Variants in TOX3 observed in about 807,000 individuals in gnomAD.
TOX3 encodes TOX high mobility group box family member 3, also known as CAG trinucleotide repeat-containing gene F9 protein.
Under a neutral mutation model 64.3 loss-of-function variants are expected in TOX3, and 22 were observed. That is an observed-to-expected ratio of 0.34 (90% CI 0.24 to 0.49). The LOEUF is 0.49. Ranked by LOEUF, TOX3 falls within the 20% of genes least tolerant of loss-of-function variation. The pLI is 0.99. For synonymous variants in TOX3, 291 were observed against 273.6 expected (o/e 1.06, Z -0.63); for missense variants, 661 against 714.4 (o/e 0.93, Z 0.85).
intron 1 of TOX3, chr16:52,519,273 C>T: frequency 2.2e-6 from 2 of 922,284 alleles, no homozygotes; most frequent in Non-Finnish European, 1.6e-6. Flanking sequence ...CCTCATTATT[C>T]CCAACCACTT....
intron 1 of TOX3, among the ~76,000 whole-genome samples, chr16:52,510,427 AT>A (rs1368614562): frequency 6.6e-6 from 1 of 152,198 alleles, no homozygotes; most frequent in African/African-American, 2.4e-5. Context: ...CTGGATTTAA[AT>A]TGGAAATAGC....
intron 1 of TOX3, among the ~76,000 whole-genome samples, chr16:52,500,809 A>G (rs575496042): frequency 5.3e-4 from 81 of 152,310 alleles, no homozygotes; most frequent in Admixed American, 1.2e-3. Context: ...CTAACTACAG[A>G]CATGTTAAAA....
chr16:52,455,549 A>G (rs1389503309), intron 3 of TOX3, among the ~76,000 whole-genome samples: 1 of 152,224 alleles, frequency 6.6e-6, no homozygotes, highest in African/African-American at 2.4e-5. Context: ...AAGCATCCAC[A>G]TAAACAAGAT....
intron 1 of TOX3, among the ~76,000 whole-genome samples, chr16:52,533,939 G>T (rs1201778065): frequency 6.6e-6 from 1 of 152,162 alleles, no homozygotes; most frequent in African/African-American, 2.4e-5. Context: ...CCCTCTCTGG[G>T]CCTGGAAGAA....
intron 1 of TOX3, among the ~76,000 whole-genome samples, chr16:52,490,899 G>C (rs1961664764): frequency 6.6e-6 from 1 of 152,032 alleles, no homozygotes; most frequent in African/African-American, 2.4e-5. Flanking sequence ...AAAATGCCAG[G>C]ATGACAGTTG....
At chr16:52,470,777 T>C (rs1961019496) in intron 1 of TOX3, among the ~76,000 whole-genome samples, 1 of 152,198 alleles carries the variant, frequency 6.6e-6, no homozygotes, top group South Asian at 2.1e-4. Flanking sequence ...GTCCAGGTAA[T>C]TTGAAACGCT....
intron 1 of TOX3, among the ~76,000 whole-genome samples, chr16:52,494,996 C>CGGTAA (rs1396097458): frequency 6.6e-6 from 1 of 152,194 alleles, no homozygotes; most frequent in Non-Finnish European, 1.5e-5. Context: ...AACAGGCTTA[C>CGGTAA]TACCTGCTGT....
At chr16:52,485,149 G>GTGTATA (rs1567329324) in intron 1 of TOX3, among the ~76,000 whole-genome samples, 3 of 91,016 alleles carry the variant, frequency 3.3e-5, no homozygotes, top group East Asian at 6.4e-4. Flanking sequence ...GTGTATATGT[G>GTGTATA]TGTGTATATA....
At chr16:52,524,299 A>T (rs977683119) in intron 1 of TOX3, among the ~76,000 whole-genome samples, 13 of 152,210 alleles carry the variant, frequency 8.5e-5, no homozygotes, top group African/African-American at 3.1e-4. Context: ...AAAGTGGTCT[A>T]TTTGAGTTTT....
At chr16:52,497,980 G>A (rs935853476) in intron 1 of TOX3, among the ~76,000 whole-genome samples, 13 of 152,060 alleles carry the variant, frequency 8.5e-5, no homozygotes, top group African/African-American at 3.1e-4. Context: ...AGGATGATGC[G>A]ATCTACTGCA....
chr16:52,492,764 A>G (rs2151458771), intron 1 of TOX3, among the ~76,000 whole-genome samples: 1 of 151,424 alleles, frequency 6.6e-6, no homozygotes, highest in South Asian at 2.1e-4. Flanking sequence ...AAGAAAAGAA[A>G]AAAAAGACCC....
At chr16:52,534,846 T>C (rs563277776) in intron 1 of TOX3, among the ~76,000 whole-genome samples, 5 of 152,190 alleles carry the variant, frequency 3.3e-5, no homozygotes, top group Non-Finnish European at 7.3e-5. Flanking sequence ...TGGGACTTGA[T>C]AAATGGCACT....
chr16:52,485,271 T>TACAC (rs1555484164), intron 1 of TOX3, among the ~76,000 whole-genome samples: 4 of 145,570 alleles, frequency 2.7e-5, no homozygotes, highest in African/African-American at 1.0e-4. Context: ...TATATATATA[T>TACAC]ACATATCTCC....
intron 1 of TOX3, among the ~76,000 whole-genome samples, chr16:52,501,909 C>T (rs146973079): frequency 6.6e-6 from 1 of 152,302 alleles, no homozygotes; most frequent in East Asian, 1.9e-4. Context: ...GGACCCTTCT[C>T]ACCATTCCCA....
At position 52,532,462 on chromosome 16, in the gene TOX3, G is replaced by A. The variant is rs145904162; in HGVS notation, c.87+14175C>T. 2.4e-3 allele frequency among the ~76,000 whole-genome samples: 372 copies of A among 152,306 alleles called. 1 individual carries two copies. Among genetic ancestry groups the A allele is most frequent in the Non-Finnish European group, 4.4e-3 (302 of 68,030 alleles). On this transcript the variant is annotated intron_variant, in intron 1 of 6. Coordinates refer to ENST00000219746, the MANE Select transcript of TOX3 (RefSeq NM_001080430.4). Reference sequence around the variant, plus strand: ...ACATGCCAGAGAACTGAGGGACCCCGGTGGACAGCCAGCCAACCTCCTGAA... The same window carrying A: ...ACATGCCAGAGAACTGAGGGACCCCAGTGGACAGCCAGCCAACCTCCTGAA...
chr16:52,457,228 CAAATCTAAGATAT>C (rs1311274770), intron 3 of TOX3, among the ~76,000 whole-genome samples: 3 of 152,048 alleles, frequency 2.0e-5, no homozygotes, highest in African/African-American at 7.2e-5. Context: ...TTTCTTTTTG[CAAATCTAAGATAT>C]AAGCTTTCAC....
intron 1 of TOX3, among the ~76,000 whole-genome samples, chr16:52,483,196 A>G (rs1050857311): frequency 6.6e-6 from 1 of 152,230 alleles, no homozygotes. Context: ...TTTCACTTCC[A>G]TGTTTTAATG....
At chr16:52,523,730 C>CT (rs923554360) in intron 1 of TOX3, among the ~76,000 whole-genome samples, 2 of 151,362 alleles carry the variant, frequency 1.3e-5, no homozygotes, top group African/African-American at 4.9e-5. Context: ...ATGAACGAGA[C>CT]TTTTTTTTTC....
chr16:52,540,704 T>C (rs1963059487), intron 1 of TOX3, among the ~76,000 whole-genome samples: 1 of 152,170 alleles, frequency 6.6e-6, no homozygotes, highest in African/African-American at 2.4e-5. Context: ...TACTCATTTG[T>C]GACCACTCCC....
Sources: gnomAD v4.1 joint callset for allele counts (sites outside exome capture counted in the v4.1 genomes callset) on GRCh38, gnomAD v4.1.1 for gene constraint, MANE v1.5 for transcripts, NCBI Gene and HGNC (gene_info 2026-07-23, HGNC 2026-07-21) for gene names.